The following PTPRZ1 variants were observed in gnomAD, a reference collection of about 807,000 sequenced individuals.
The protein encoded by PTPRZ1 is receptor-type tyrosine-protein phosphatase zeta.
In PTPRZ1, 82 loss-of-function variants were observed where a neutral mutation model predicts 214.1. The ratio of observed to expected loss-of-function variants is 0.38; its 90% CI spans 0.32 to 0.46. The LOEUF is 0.46. Among genes scored for constraint, PTPRZ1 ranks in the 20% least tolerant of loss-of-function variants. The pLI, the probability that PTPRZ1 is intolerant of heterozygous loss-of-function variation, is 1.00. For missense variants in PTPRZ1, 2,603 were observed against 2,748.7 expected (o/e 0.95, Z 1.19); for synonymous variants, 945 against 987.9 (o/e 0.96, Z 0.81).
At chr7:121,920,079 T>A (rs1183222122) in intron 1 of PTPRZ1, among the ~76,000 whole-genome samples, 1 of 152,178 alleles carries the variant, frequency 6.6e-6, no homozygotes, top group Non-Finnish European at 1.5e-5. Context: ...ATAGTTCATA[T>A]CTTTGTTCCT....
At chr7:121,950,305 T>C (rs961914768) in intron 2 of PTPRZ1, among the ~76,000 whole-genome samples, 15 of 152,198 alleles carry the variant, frequency 9.9e-5, no homozygotes, top group African/African-American at 3.4e-4. Context: ...AAGATGAGAC[T>C]TGGGTGGGGA....
At chr7:122,057,518 T>A (rs1456426000) in intron 27 of PTPRZ1, among the ~76,000 whole-genome samples, 1 of 151,796 alleles carries the variant, frequency 6.6e-6, no homozygotes, top group African/African-American at 2.4e-5. Context: ...ATTTTTCTGT[T>A]AGGTTATTTA....
At chr7:121,909,749 A>G (rs888145882) in intron 1 of PTPRZ1, among the ~76,000 whole-genome samples, 3 of 152,170 alleles carry the variant, frequency 2.0e-5, no homozygotes, top group African/African-American at 4.8e-5. Context: ...AAGGTAATAT[A>G]TAGTATCTAA....
At chr7:122,035,488 C>T (rs534280634) in intron 17 of PTPRZ1, among the ~76,000 whole-genome samples, 2 of 152,290 alleles carry the variant, frequency 1.3e-5, no homozygotes, top group East Asian at 3.9e-4. Context: ...GAACACCTAC[C>T]TACTATGTGG....
chr7:122,031,531 C>T lies in PTPRZ1; in HGVS notation c.5138C>T (p.Ala1713Val), dbSNP rs1177217221. 6.2e-7 allele frequency: 1 copy of T among 1,609,676 alleles called. No homozygotes were observed. Among genetic ancestry groups the T allele is most frequent in the Non-Finnish European group, 8.5e-7 (1 of 1,177,392 alleles). ...CCAAAGCATGTTGCAGATTTACATGCAAGTAGTGGGTTTACTGAAGAATTT... is the reference window on the plus strand; with the variant it reads ...CCAAAGCATGTTGCAGATTTACATGTAAGTAGTGGGTTTACTGAAGAATTT... ...HFPKHVADLH[A>V]SSGFTEEFET... The change falls in exon 15 of 30, where the codon GCA (alanine) becomes GTA (valine). Residue 1713 changes from alanine (A) to valine (V), a missense_variant. By Grantham distance (64) the Ala-to-Val change is moderately conservative (BLOSUM62 0). Transcript: ENST00000393386.
At position 122,061,238 on chromosome 7, in the gene PTPRZ1, G is replaced by C; in HGVS notation, c.*18G>C. ...TAGTTTAACACAGAAAGGGGTGGGGGAACTCACATCTGAGCATTGTTTTCC... is the reference window on the plus strand; with the variant it reads ...TAGTTTAACACAGAAAGGGGTGGGGCAACTCACATCTGAGCATTGTTTTCC... On this transcript the variant is annotated 3_prime_UTR_variant, in exon 30 of 30. Coordinates refer to ENST00000393386, the MANE Select transcript of PTPRZ1 (RefSeq NM_002851.3). The C allele has an allele frequency of 6.4e-7, 1 of 1,561,306 alleles. No homozygotes were observed.
At chr7:121,998,629 G>A (rs1232430213) in intron 10 of PTPRZ1, among the ~76,000 whole-genome samples, 1 of 152,060 alleles carries the variant, frequency 6.6e-6, no homozygotes, top group African/African-American at 2.4e-5. Flanking sequence ...TGATCTTAGA[G>A]CATATGCAAT....
chr7:122,009,250 G>A (rs1006290812), intron 11 of PTPRZ1, among the ~76,000 whole-genome samples: 1 of 151,940 alleles, frequency 6.6e-6, no homozygotes, highest in Non-Finnish European at 1.5e-5. Context: ...GCAGATTTCC[G>A]TGTGTATGAC....
At chr7:122,019,710 T>C (rs1798959595) in intron 13 of PTPRZ1, among the ~76,000 whole-genome samples, 1 of 152,116 alleles carries the variant, frequency 6.6e-6, no homozygotes, top group African/African-American at 2.4e-5. Flanking sequence ...AACCTGTGCA[T>C]AAAAGTAAAA....
chr7:121,891,405 G>A (rs1191505295), intron 1 of PTPRZ1, among the ~76,000 whole-genome samples: 1 of 140,672 alleles, frequency 7.1e-6, no homozygotes, highest in African/African-American at 2.7e-5. Flanking sequence ...CATAATGCCT[G>A]GTATATGATA....
In PTPRZ1 at chr7:121,997,768, A is replaced by G. The variant is rs898580131; in HGVS notation, c.1114-112A>G. ...ATAAACTTTTCCTTAGGTTAATAAAATAGAAGTATTTTCCACGGACCAGGG... is the reference window on the plus strand; with the variant it reads ...ATAAACTTTTCCTTAGGTTAATAAAGTAGAAGTATTTTCCACGGACCAGGG... On this transcript the variant is annotated intron_variant, in intron 9 of 29. Coordinates refer to ENST00000393386, the MANE Select transcript of PTPRZ1 (RefSeq NM_002851.3). 1.4e-5 allele frequency: 11 copies of G among 802,278 alleles called. No homozygotes were observed. In the Admixed American group the frequency reaches 4.0e-4, roughly 29 times the overall value. 49.7% of individuals were successfully genotyped at this position (802,278 alleles called of 1,614,324 possible). A position where few individuals can be genotyped will look rare whatever the true frequency, so the allele number is the denominator to read the frequency against.
intron 27 of PTPRZ1, among the ~76,000 whole-genome samples, chr7:122,057,930 A>C (rs1361920630): frequency 6.7e-6 from 1 of 148,312 alleles, no homozygotes; most frequent in East Asian, 2.0e-4. Flanking sequence ...TAGCAATATC[A>C]GTTCAGTCAT....
intron 1 of PTPRZ1, among the ~76,000 whole-genome samples, chr7:121,879,354 G>A (rs1173995162): frequency 6.6e-6 from 1 of 152,106 alleles, no homozygotes; most frequent in African/African-American, 2.4e-5. Context: ...GGAGGAGAGG[G>A]CAATGAGGGA....
chr7:121,878,121 T>C, intron 1 of PTPRZ1, among the ~76,000 whole-genome samples: 1 of 152,164 alleles, frequency 6.6e-6, no homozygotes, highest in East Asian at 1.9e-4. Context: ...AAAGAAAAAA[T>C]ATCATATAGC....
chr7:122,000,966 G>A (rs1455754480), intron 10 of PTPRZ1, among the ~76,000 whole-genome samples: 1 of 151,906 alleles, frequency 6.6e-6, no homozygotes, highest in Non-Finnish European at 1.5e-5. Context: ...TCACAGGCGT[G>A]AGCCACCGCA....
At chr7:122,008,045 A>G (rs1798545337) in intron 11 of PTPRZ1, among the ~76,000 whole-genome samples, 1 of 152,106 alleles carries the variant, frequency 6.6e-6, no homozygotes, top group Non-Finnish European at 1.5e-5. Flanking sequence ...TATGTATCTG[A>G]TGTGTGCATA....
intron 11 of PTPRZ1, among the ~76,000 whole-genome samples, chr7:122,004,975 C>T (rs939488398): frequency 6.6e-6 from 1 of 151,876 alleles, no homozygotes; most frequent in Admixed American, 6.6e-5. Flanking sequence ...TTTTTTTAGT[C>T]TCCAAATTTT....
chr7:121,887,617 A>T lies in PTPRZ1; in HGVS notation c.58+14060A>T, dbSNP rs553733269. 9.2e-5 allele frequency among the ~76,000 whole-genome samples: 14 copies of T among 152,302 alleles called. No individual in the cohort carries two copies. In the South Asian group the frequency reaches 2.9e-3, roughly 32 times the overall value. On this transcript the variant is annotated intron_variant, in intron 1 of 29. Coordinates refer to ENST00000393386, the MANE Select transcript of PTPRZ1 (RefSeq NM_002851.3). ...CTCATGGCATTCAGAGTTTTAAGAA[A>T]GAAAATTAAGTGATTGGAATAGAGT...
At chr7:121,992,307 A>G (rs1439365691) in intron 8 of PTPRZ1, among the ~76,000 whole-genome samples, 2 of 152,226 alleles carry the variant, frequency 1.3e-5, no homozygotes, top group African/African-American at 4.8e-5. Context: ...GGTCATCTGC[A>G]TCAACTTTCT....
Sources: allele counts gnomAD v4.1 joint callset (sites outside exome capture counted in the v4.1 genomes callset), GRCh38; gene constraint gnomAD v4.1.1; transcripts MANE v1.5; gene names NCBI Gene and HGNC (gene_info 2026-07-23, HGNC 2026-07-21).